Variants in COL5A2 observed in about 807,000 individuals in gnomAD.
COL5A2 encodes collagen type V alpha 2 chain.
In COL5A2, 23 loss-of-function variants were observed where a neutral mutation model predicts 208.2. That is an observed-to-expected ratio of 0.11 (90% CI 0.08 to 0.16). COL5A2 has a LOEUF of 0.16. Among genes scored for constraint, COL5A2 ranks in the 10% least tolerant of loss-of-function variants. The probability of loss-of-function intolerance (pLI) is 1.00; values close to 1 mark genes in which losing one functional copy is unlikely to be tolerated. For missense variants in COL5A2, 1,590 were observed against 1,956.4 expected, an observed-to-expected ratio of 0.81 and a Z score of 3.53; for synonymous variants, 625 against 628.5, an observed-to-expected ratio of 0.99 and a Z score of 0.08.
In COL5A2 at chr2:189,041,587, T is replaced by C. The variant is rs752139160; in HGVS notation, c.3632A>G (p.Glu1211Gly). Residue 1211 changes from glutamate to glycine, a missense_variant and splice_region_variant, in exon 50 of 54, where the codon GAG becomes GGG. Glu to Gly is a moderately conservative substitution (Grantham distance 98). Transcript: ENST00000374866. ...GCATGTAAACCTTTGTGACTTTACC[T>C]CAGGTCCTGCTTCTCCTACACTGCC... ...VRGSVGEAGP[E>G]GPPGEPGPPG... is the part of the protein sequence containing the mutation. The C allele has an allele frequency of 6.2e-7, 1 of 1,608,970 alleles. No individual in the cohort carries two copies. Among genetic ancestry groups the C allele is most frequent in the South Asian group, 1.1e-5 (1 of 90,990 alleles).
intron 30 of COL5A2, 86 bp downstream of exon 30, chr2:189,061,476 A>G: frequency 9.8e-7 from 1 of 1,023,322 alleles, no homozygotes; most frequent in Non-Finnish European, 1.5e-6. Context: ...GTAGAATTTC[A>G]AATCTTCTGA....
intron 1 of COL5A2, among the ~76,000 whole-genome samples, chr2:189,167,149 C>T (rs1688480744): frequency 6.6e-6 from 1 of 152,114 alleles, no homozygotes; most frequent in Admixed American, 6.5e-5. Flanking sequence ...TAGAACTGGA[C>T]CTGCTCTTAC....
chr2:189,088,699 G>A lies in COL5A2; in HGVS notation c.641C>T (p.Ser214Phe). 4 of 1,613,156 alleles carry A rather than the reference G, an allele frequency of 2.5e-6. No individual in the cohort carries two copies. The highest frequency in any genetic ancestry group is 1.1e-5 in the South Asian group (1 of 91,038). Reference sequence around the variant, plus strand: ...ATCAGTAAAATTTATGCTTACCACAGAGCCAGGCATTAGTCCTACTTGACT... The same window carrying A: ...ATCAGTAAAATTTATGCTTACCACAAAGCCAGGCATTAGTCCTACTTGACT... Reference protein sequence around the residue: ...LGSQVGLMPGSVGPVGPRGPQ... With the variant: ...LGSQVGLMPGFVGPVGPRGPQ... Residue 214 changes from serine (S) to phenylalanine (F), a missense_variant, in exon 8 of 54, where the codon TCT (serine) becomes TTT (phenylalanine). Coordinates refer to ENST00000374866, the MANE Select transcript of COL5A2 (RefSeq NM_000393.5).
intron 1 of COL5A2, among the ~76,000 whole-genome samples, chr2:189,213,692 C>T (rs888501157): frequency 4.6e-5 from 7 of 152,082 alleles, no homozygotes; most frequent in African/African-American, 1.7e-4. Context: ...AGAGACATAC[C>T]ATCCTAAAAT....
the COL5A2 span, among the ~76,000 whole-genome samples, chr2:189,231,942 C>T: frequency 1.3e-5 from 2 of 151,546 alleles, no homozygotes; most frequent in African/African-American, 2.4e-5. Context: ...GAGGGTGACA[C>T]AGCAAGAGAG....
chr2:189,327,572 C>G, the COL5A2 span, among the ~76,000 whole-genome samples: 1 of 152,250 alleles, frequency 6.6e-6, no homozygotes, highest in Middle Eastern at 3.4e-3. Context: ...GTCTATGGTG[C>G]TTCCTTTTGG....
intron 1 of COL5A2, among the ~76,000 whole-genome samples, chr2:189,164,301 AC>A (rs766859292): frequency 6.6e-6 from 1 of 152,220 alleles, no homozygotes; most frequent in African/African-American, 2.4e-5. Flanking sequence ...CCAGGAAGCT[AC>A]ATTTCACTTG....
chr2:189,285,209 T>C, the COL5A2 span, among the ~76,000 whole-genome samples: 6 of 152,118 alleles, frequency 3.9e-5, no homozygotes, highest in South Asian at 4.2e-4. Flanking sequence ...TGCCCCTGAA[T>C]GTGAGCATCT....
At chr2:189,085,679 C>T (rs1298002536) in intron 10 of COL5A2, 40 bp downstream of exon 10, 2 of 1,565,776 alleles carry the variant, frequency 1.3e-6, no homozygotes, top group Non-Finnish European at 1.8e-6. Context: ...TAATGGTGGA[C>T]CCAAATGTAA....
intron 1 of COL5A2, among the ~76,000 whole-genome samples, chr2:189,200,215 T>C (rs1054896173): frequency 1.3e-5 from 2 of 152,054 alleles, no homozygotes; most frequent in African/African-American, 2.4e-5. Context: ...AAAAAATAAA[T>C]TAACTAAACA....
chr2:189,086,556 G>T (rs576060083), intron 9 of COL5A2, among the ~76,000 whole-genome samples, 170 bp downstream of exon 9: 2 of 152,254 alleles, frequency 1.3e-5, no homozygotes, highest in Admixed American at 1.3e-4. Context: ...GCAAAGACAT[G>T]TGGCATATAT....
At chr2:189,190,875 T>C (rs1390895651) in intron 1 of COL5A2, among the ~76,000 whole-genome samples, 1 of 152,194 alleles carries the variant, frequency 6.6e-6, no homozygotes, top group African/African-American at 2.4e-5. Flanking sequence ...AGAATGCAGA[T>C]ATGTACAGGA....
At chr2:189,429,527 C>T in the COL5A2 span, among the ~76,000 whole-genome samples, 54 of 152,306 alleles carry the variant, frequency 3.5e-4, no homozygotes, top group African/African-American at 1.2e-3. Context: ...TCATTTACTT[C>T]TCATCTGGCA....
upstream of COL5A2, among the ~76,000 whole-genome samples, chr2:189,228,806 T>G (rs1467226946): frequency 6.6e-6 from 1 of 151,822 alleles, no homozygotes; most frequent in African/African-American, 2.4e-5. Flanking sequence ...TTGAAACCCG[T>G]TTTATGAAGC....
the COL5A2 span, among the ~76,000 whole-genome samples, chr2:189,349,784 A>T: frequency 1.3e-5 from 2 of 152,192 alleles, no homozygotes; most frequent in African/African-American, 2.4e-5. Flanking sequence ...AGAAGTTTTT[A>T]AAAGTAGCAT....
chr2:189,110,553 G>A, intron 1 of COL5A2, 104 bp from the exon 2 acceptor site: 1 of 998,516 alleles, frequency 1.0e-6, no homozygotes, highest in Non-Finnish European at 1.5e-6. Flanking sequence ...GGACTAAGAA[G>A]TAACCTTCCA....
the COL5A2 span, among the ~76,000 whole-genome samples, chr2:189,255,848 G>A: frequency 2.6e-5 from 4 of 152,144 alleles, no homozygotes; most frequent in Non-Finnish European, 2.9e-5. Context: ...TTAAGATAAT[G>A]TTTCATAAAG....
At chr2:189,108,102 C>G (rs146227632) in intron 2 of COL5A2, among the ~76,000 whole-genome samples, 1 of 151,652 alleles carries the variant, frequency 6.6e-6, no homozygotes, top group Non-Finnish European at 1.5e-5. Flanking sequence ...TTTGCCTCCC[C>G]CTTTCATTAT....
intron 45 of COL5A2, among the ~76,000 whole-genome samples, chr2:189,047,645 T>G (rs57547130): frequency 0.15 from 22,737 of 152,178 alleles, 1,686 homozygotes; most frequent in Middle Eastern, 0.2. Flanking sequence ...AATTACATCA[T>G]AACAGACTTT....
Sources: allele counts gnomAD v4.1 joint callset (sites outside exome capture counted in the v4.1 genomes callset), GRCh38; gene constraint gnomAD v4.1.1; transcripts MANE v1.5; gene names NCBI Gene and HGNC (gene_info 2026-07-23, HGNC 2026-07-21).